Variants in SAMMSON observed in about 807,000 individuals in gnomAD.
The protein encoded by SAMMSON is survival associated mitochondrial melanoma specific oncogenic non-coding RNA, also known as long intergenic non-protein coding RNA 1212.
In SAMMSON at chr3:70,224,129, G is replaced by A. The variant is rs535954581; in HGVS notation, n.508-24978G>A. 4.0e-4 allele frequency among the ~76,000 whole-genome samples: 61 copies of A among 152,212 alleles called. 1 individual carries two copies. The South Asian group carries it at 0.012, about 31-fold the overall frequency. On this transcript the variant is annotated intron_variant and non_coding_transcript_variant, in intron 4 of 9. Coordinates refer to ENST00000642114, the Ensembl canonical transcript of SAMMSON. ...CTGTGTGTATCTTTATCACTAACAA[G>A]CAGAGGGAAAATAATTGAATGTGGA...
At position 70,048,953 on chromosome 3, in the gene SAMMSON, A is replaced by G. The variant is rs529202537; in HGVS notation, n.418-22523A>G. On this transcript the variant is annotated intron_variant and non_coding_transcript_variant, in intron 3 of 9. Transcript: ENST00000642114. ...CGGCAGGATTTGGGATAATTTTCCA[A>G]TGAGGCAAATTGCATGGTGTAGGAT... Among the ~76,000 whole-genome samples the G allele has an allele frequency of 8.5e-5, 13 of 152,278 alleles. No homozygotes were observed. In the South Asian group the frequency reaches 1.0e-3, roughly 12 times the overall value.
downstream of SAMMSON, among the ~76,000 whole-genome samples, chr3:70,392,586 T>C (rs1342373793): frequency 1.3e-5 from 2 of 152,128 alleles, no homozygotes; most frequent in Admixed American, 6.6e-5. Flanking sequence ...AGAGTCACTC[T>C]AAAGAATGTT....
At position 70,036,524 on chromosome 3, in the gene SAMMSON, C is replaced by G. The variant is rs529910692; in HGVS notation, n.417+22852C>G. On this transcript the variant is annotated intron_variant and non_coding_transcript_variant, in intron 3 of 9. Coordinates refer to ENST00000642114, the Ensembl canonical transcript of SAMMSON. ...AAAAAAGTGGGCATATAACCCAATT[C>G]TGACCAATGAAAGTTGGACCCAGGA... is the stretch of plus-strand genomic sequence containing the variant. 2.6e-5 allele frequency among the ~76,000 whole-genome samples: 4 copies of G among 152,300 alleles called. No homozygotes were observed. In the East Asian group the frequency reaches 7.7e-4, roughly 29 times the overall value.
intron 2 of SAMMSON, among the ~76,000 whole-genome samples, chr3:70,419,716 G>A (rs537732919): frequency 6.3e-4 from 96 of 152,290 alleles, no homozygotes; most frequent in African/African-American, 2.1e-3. Flanking sequence ...TCGGCTCACT[G>A]CAAGCTCCGC....
rs578112545 is a variant in SAMMSON at position 70,317,107 on chromosome 3, A to G, written n.739+25864A>G. Among the ~76,000 whole-genome samples the G allele has an allele frequency of 3.4e-4, 52 of 152,188 alleles. 1 individual carries two copies. Among genetic ancestry groups the G allele is most frequent in the African/African-American group, 1.2e-3 (48 of 41,566 alleles). On this transcript the variant is annotated intron_variant and non_coding_transcript_variant, in intron 7 of 9. Transcript: ENST00000642114. ...TTATGGGTAATAGGTTTATAACTATATAATTTCATTTACATGCTCTCTCCT... is the reference window on the plus strand; with the variant it reads ...TTATGGGTAATAGGTTTATAACTATGTAATTTCATTTACATGCTCTCTCCT...
At chr3:70,429,415 G>A (rs1238207404) in intron 2 of SAMMSON, among the ~76,000 whole-genome samples, 1 of 152,064 alleles carries the variant, frequency 6.6e-6, no homozygotes, top group Non-Finnish European at 1.5e-5. Context: ...CTCCAGCTTT[G>A]TTCTTTTTGC....
At chr3:70,123,924 C>A (rs73838063) in intron 4 of SAMMSON, among the ~76,000 whole-genome samples, 77 of 152,264 alleles carry the variant, frequency 5.1e-4, no homozygotes, top group African/African-American at 1.8e-3. Context: ...TAAATGAGCA[C>A]CCAGCACAGG....
chr3:70,428,631 T>C (rs1185147515), intron 2 of SAMMSON, among the ~76,000 whole-genome samples: 1 of 152,232 alleles, frequency 6.6e-6, no homozygotes, highest in African/African-American at 2.4e-5. Flanking sequence ...GACGCTAGCA[T>C]AGAATTTTGT....
intron 7 of SAMMSON, among the ~76,000 whole-genome samples, chr3:70,300,858 A>G (rs1238572791): frequency 6.6e-6 from 1 of 152,026 alleles, no homozygotes; most frequent in Non-Finnish European, 1.5e-5. Context: ...TGGACACTCC[A>G]AGGTATTCAT....
At chr3:70,078,793 T>C (rs2067258029) in intron 4 of SAMMSON, among the ~76,000 whole-genome samples, 1 of 152,200 alleles carries the variant, frequency 6.6e-6, no homozygotes, top group African/African-American at 2.4e-5. Flanking sequence ...TTCAGGGTCA[T>C]GGAAGTGTCT....
intron 7 of SAMMSON, among the ~76,000 whole-genome samples, chr3:70,317,376 T>C (rs1702502270): frequency 6.6e-6 from 1 of 151,994 alleles, no homozygotes; most frequent in South Asian, 2.1e-4. Flanking sequence ...GTCAGTAATT[T>C]TTACCAATAA....
chr3:70,387,790 C>T (rs1311995165), intron 9 of SAMMSON, among the ~76,000 whole-genome samples: 3 of 152,028 alleles, frequency 2.0e-5, no homozygotes, highest in Non-Finnish European at 4.4e-5. Context: ...CATAACACTC[C>T]TACAGGGGCT....
intron 6 of SAMMSON, among the ~76,000 whole-genome samples, chr3:70,279,926 G>T (rs1045278383): frequency 2.0e-5 from 3 of 152,164 alleles, no homozygotes; most frequent in Non-Finnish European, 4.4e-5. Context: ...TATTGCTTGA[G>T]ATCCTGTCTT....
intron 6 of SAMMSON, among the ~76,000 whole-genome samples, chr3:70,276,527 T>A (rs9310188): frequency 0.62 from 94,658 of 152,064 alleles, 30,999 homozygotes; most frequent in Non-Finnish European, 0.74. Flanking sequence ...ATTCATTCCA[T>A]GTTTATTTAG....
intron 4 of SAMMSON, among the ~76,000 whole-genome samples, chr3:70,105,818 G>T (rs1355009668): frequency 6.6e-6 from 1 of 152,186 alleles, no homozygotes; most frequent in Non-Finnish European, 1.5e-5. Context: ...CCTTAGAGGT[G>T]AGAGAGAAGC....
intron 4 of SAMMSON, chr3:70,197,019 A>G (rs973386624): frequency 1.8e-5 from 7 of 398,558 alleles, no homozygotes; most frequent in South Asian, 1.3e-4. Flanking sequence ...CCATGTCACA[A>G]TTGCAGCTGC....
At chr3:70,062,237 A>G (rs989434255) in intron 3 of SAMMSON, among the ~76,000 whole-genome samples, 1 of 151,574 alleles carries the variant, frequency 6.6e-6, no homozygotes, top group Non-Finnish European at 1.5e-5. Flanking sequence ...TCCTGACCCC[A>G]CTGTCTAAGA....
intron 3 of SAMMSON, among the ~76,000 whole-genome samples, chr3:70,036,662 A>C (rs949816892): frequency 6.6e-6 from 1 of 152,164 alleles, no homozygotes; most frequent in African/African-American, 2.4e-5. Context: ...AACCTGTCTC[A>C]TAATGAATTC....
chr3:70,025,780 GTATGT>G (rs1014018401), intron 3 of SAMMSON, among the ~76,000 whole-genome samples: 18 of 152,154 alleles, frequency 1.2e-4, no homozygotes, highest in African/African-American at 4.3e-4. Flanking sequence ...TACGTATTTT[GTATGT>G]TATATGTATT....
Sources: allele counts gnomAD v4.1 joint callset (sites outside exome capture counted in the v4.1 genomes callset), GRCh38; gene constraint gnomAD v4.1.1; transcripts MANE v1.5; gene names NCBI Gene and HGNC (gene_info 2026-07-23, HGNC 2026-07-21).